The following ATRNL1 variants were observed in gnomAD, a reference collection of about 807,000 sequenced individuals.
The protein encoded by ATRNL1 is attractin-like protein 1.
A neutral mutation model predicts 182.7 loss-of-function variants in ATRNL1; 95 were observed. The observed-to-expected ratio is 0.52, with a 90% CI of 0.44 to 0.62. ATRNL1 has a LOEUF of 0.62. ATRNL1 is among the 20% of genes least tolerant of loss of function. The pLI is 0.00. For synonymous variants in ATRNL1, 576 were observed against 568.3 expected, an observed-to-expected ratio of 1.01 and a Z score of -0.19; for missense variants, 1,471 against 1,679.5, an observed-to-expected ratio of 0.88 and a Z score of 2.17.
intron 8 of ATRNL1, among the ~76,000 whole-genome samples, chr10:115,200,540 C>G (rs1398671890): frequency 6.7e-6 from 1 of 148,760 alleles, no homozygotes; most frequent in African/African-American, 2.5e-5. Context: ...ATCCATGTCC[C>G]TACAAAGGAC....
At chr10:115,431,377 G>A (rs868906349) in intron 21 of ATRNL1, among the ~76,000 whole-genome samples, 1 of 146,516 alleles carries the variant, frequency 6.8e-6, no homozygotes, top group Admixed American at 6.9e-5. Flanking sequence ...CATTGCACTC[G>A]CACCTGGGCA....
At chr10:115,447,637 G>C (rs1334535255) in intron 21 of ATRNL1, among the ~76,000 whole-genome samples, 1 of 151,716 alleles carries the variant, frequency 6.6e-6, no homozygotes, top group Non-Finnish European at 1.5e-5. Flanking sequence ...TAGTTATGTA[G>C]AATATTTCTA....
chr10:115,720,939 T>C (rs1947402989), intron 26 of ATRNL1, among the ~76,000 whole-genome samples: 1 of 152,182 alleles, frequency 6.6e-6, no homozygotes, highest in Admixed American at 6.5e-5. Flanking sequence ...CTTAAGGAAG[T>C]AGAGTTACAT....
chr10:115,518,563 T>TTA (rs1554984412), intron 24 of ATRNL1, among the ~76,000 whole-genome samples: 1 of 151,918 alleles, frequency 6.6e-6, no homozygotes, highest in East Asian at 1.9e-4. Context: ...GTAGATGCTT[T>TTA]TATTATTACC....
intron 10 of ATRNL1, among the ~76,000 whole-genome samples, chr10:115,257,968 G>A (rs1469712073): frequency 4.6e-5 from 7 of 152,138 alleles, no homozygotes; most frequent in African/African-American, 7.2e-5. Flanking sequence ...GGTTTCTGCC[G>A]AGAGATCTGC....
intron 26 of ATRNL1, among the ~76,000 whole-genome samples, chr10:115,633,504 A>G (rs113340060): frequency 5.1e-4 from 77 of 152,332 alleles, no homozygotes; most frequent in African/African-American, 1.8e-3. Flanking sequence ...TTATGAGTTG[A>G]AATGTTTTGA....
intron 25 of ATRNL1, among the ~76,000 whole-genome samples, chr10:115,529,014 A>G (rs540416484): frequency 6.6e-6 from 1 of 152,246 alleles, no homozygotes; most frequent in East Asian, 1.9e-4. Flanking sequence ...CTACCGAGAT[A>G]TAATTTGTTA....
At chr10:115,436,111 T>C (rs1219337367) in intron 21 of ATRNL1, among the ~76,000 whole-genome samples, 4 of 152,138 alleles carry the variant, frequency 2.6e-5, no homozygotes, top group African/African-American at 9.6e-5. Context: ...GTAATACTAT[T>C]ATATCACTGA....
At chr10:115,593,835 C>T (rs937867250) in intron 26 of ATRNL1, among the ~76,000 whole-genome samples, 5 of 152,190 alleles carry the variant, frequency 3.3e-5, no homozygotes, top group Non-Finnish European at 5.9e-5. Flanking sequence ...ATTTTGCTTA[C>T]ACTTATTATC....
At chr10:115,458,476 T>G (rs1227029362) in intron 21 of ATRNL1, among the ~76,000 whole-genome samples, 1 of 152,134 alleles carries the variant, frequency 6.6e-6, no homozygotes, top group Non-Finnish European at 1.5e-5. Context: ...CTTTGTATTT[T>G]TAGCCTGATT....
intron 1 of ATRNL1, among the ~76,000 whole-genome samples, chr10:115,105,610 A>G (rs528796543): frequency 2.6e-5 from 4 of 152,340 alleles, no homozygotes; most frequent in East Asian, 1.9e-4. Context: ...GGCCAGGCCC[A>G]GGGTTCCTGT....
At chr10:115,133,740 A>G (rs565814764) in intron 5 of ATRNL1, among the ~76,000 whole-genome samples, 3 of 152,322 alleles carry the variant, frequency 2.0e-5, no homozygotes, top group Admixed American at 1.3e-4. Context: ...TCGACAGAAG[A>G]TACATTCTTC....
chr10:115,482,091 G>A (rs1848796769), intron 24 of ATRNL1, among the ~76,000 whole-genome samples: 1 of 150,770 alleles, frequency 6.6e-6, no homozygotes, highest in African/African-American at 2.4e-5. Flanking sequence ...ACTTAGCATA[G>A]CAAATATTTC....
intron 28 of ATRNL1, among the ~76,000 whole-genome samples, chr10:115,927,080 G>C (rs1463936919): frequency 6.6e-6 from 1 of 152,142 alleles, no homozygotes; most frequent in East Asian, 1.9e-4. Context: ...GATCAAGTCA[G>C]CTTCATCCCT....
At chr10:115,617,108 C>G (rs931257932) in intron 26 of ATRNL1, among the ~76,000 whole-genome samples, 1 of 152,216 alleles carries the variant, frequency 6.6e-6, no homozygotes, top group South Asian at 2.1e-4. Flanking sequence ...ATAACCCCTG[C>G]AAAGCCACTG....
Position 115,494,587 on chromosome 10 carries a change from A to G in ATRNL1, c.3655-24676A>G, listed in dbSNP as rs537466198. ...TTAATTGAAAGCTTTTTCTTCATAT[A>G]TTCAGATGATTATGTGGTTTTTGTT... On this transcript the variant is annotated intron_variant, in intron 24 of 28. Transcript: ENST00000355044. 5.1e-4 allele frequency among the ~76,000 whole-genome samples: 77 copies of G among 152,282 alleles called. 1 individual carries two copies. The highest frequency in any genetic ancestry group is 1.7e-3 in the African/African-American group (70 of 41,566).
intron 27 of ATRNL1, among the ~76,000 whole-genome samples, chr10:115,775,866 G>A (rs567493810): frequency 1.3e-4 from 19 of 151,328 alleles, no homozygotes; most frequent in African/African-American, 4.4e-4. Context: ...GCTGAGGCAG[G>A]AGAATTGCTT....
chr10:115,413,475 C>T (rs1845238989), intron 20 of ATRNL1, among the ~76,000 whole-genome samples: 2 of 152,140 alleles, frequency 1.3e-5, no homozygotes, highest in African/African-American at 4.8e-5. Flanking sequence ...CAGACCTCAA[C>T]ATTTTTCTAT....
At chr10:115,878,484 A>T (rs1186426935) in intron 28 of ATRNL1, among the ~76,000 whole-genome samples, 1 of 152,222 alleles carries the variant, frequency 6.6e-6, no homozygotes, top group Admixed American at 6.5e-5. Context: ...AGGGTTCTGA[A>T]CTTGCAGAAT....
Sources: allele counts gnomAD v4.1 joint callset (sites outside exome capture counted in the v4.1 genomes callset), GRCh38; gene constraint gnomAD v4.1.1; transcripts MANE v1.5; gene names NCBI Gene and HGNC (gene_info 2026-07-23, HGNC 2026-07-21).